The following NLRP1 variants were observed in gnomAD, a reference collection of about 807,000 sequenced individuals.
NLRP1 encodes the protein NACHT, LRR and PYD domains-containing protein 1.
In NLRP1, 94 loss-of-function variants were observed where a neutral mutation model predicts 136.7. That is an observed-to-expected ratio of 0.69 (90% CI 0.58 to 0.82). The LOEUF is 0.82. NLRP1 is among the 40% of genes least tolerant of loss of function. NLRP1 has a pLI of 0.00. For synonymous variants in NLRP1, 690 were observed against 725.1 expected (o/e 0.95, Z 0.78); for missense variants, 1,575 against 1,802.7 (o/e 0.87, Z 2.29).
Position 5,521,141 on chromosome 17 carries a change from C to A in NLRP1, c.3784-129G>T, listed in dbSNP as rs764463406. On this transcript the variant is annotated intron_variant, in intron 13 of 16. Transcript: ENST00000572272. Reference sequence around the variant, plus strand: ...GCTATATCACCCCTGCCTCCCTCCCCCCATGCACTGCTACAGAGACAGCCC... The same window carrying A: ...GCTATATCACCCCTGCCTCCCTCCCACCATGCACTGCTACAGAGACAGCCC... The A allele has an allele frequency of 3.2e-5, 28 of 880,614 alleles. No individual in the cohort carries two copies. The Admixed American group carries it at 4.2e-4, about 13-fold the overall frequency. 54.6% of individuals were successfully genotyped at this position (880,614 alleles called of 1,614,324 possible).
Position 5,581,883 on chromosome 17 carries a change from C to G in NLRP1, c.628G>C (p.Glu210Gln). The G allele has an allele frequency of 6.2e-7, 1 of 1,612,850 alleles. No individual in the cohort carries two copies. The highest frequency in any genetic ancestry group is 8.5e-7 in the Non-Finnish European group (1 of 1,179,928). The change falls in exon 3 of 17, where the codon GAA becomes CAA. Residue 210 changes from glutamate (E) to glutamine (Q), a missense_variant. Transcript: ENST00000572272. ...CCTGTGTAGTAAATTCCTGACGTTT[C>G]ATCCAGAGGCCATTGGGTCCCAGGA... ...EAPGTQWPLDETSGIYYTEIR... is the reference protein window; with the variant it reads ...EAPGTQWPLDQTSGIYYTEIR...
chr17:5,544,343 C>A (rs935947712), intron 5 of NLRP1, among the ~76,000 whole-genome samples: 10 of 152,162 alleles, frequency 6.6e-5, no homozygotes, highest in Admixed American at 2.0e-4. Context: ...GGCAAATCTC[C>A]CCCACCACTG....
At chr17:5,550,923 GTT>G (rs1318445854) in intron 5 of NLRP1, among the ~76,000 whole-genome samples, 2 of 152,070 alleles carry the variant, frequency 1.3e-5, no homozygotes, top group Non-Finnish European at 2.9e-5. Flanking sequence ...AGTACAGCGA[GTT>G]CCCATATACT....
intron 15 of NLRP1, chr17:5,503,540 A>G (rs1907189287): frequency 6.6e-6 from 1 of 152,202 alleles, no homozygotes; most frequent in South Asian, 2.1e-4. Context: ...GTCTACCTGT[A>G]CAGAAATGAA....
At chr17:5,573,198 AC>A (rs1904616482) in intron 3 of NLRP1, among the ~76,000 whole-genome samples, 1 of 152,196 alleles carries the variant, frequency 6.6e-6, no homozygotes, top group Non-Finnish European at 1.5e-5. Flanking sequence ...AGGGTCCTGT[AC>A]CCACGGAGCC....
At chr17:5,523,677 T>C (rs1909183753) in intron 12 of NLRP1, among the ~76,000 whole-genome samples, 1 of 152,110 alleles carries the variant, frequency 6.6e-6, no homozygotes, top group African/African-American at 2.4e-5. Flanking sequence ...GGATCAGAGG[T>C]CCCAGCTCCA....
chr17:5,542,284 T>C (rs1425668397), intron 5 of NLRP1, among the ~76,000 whole-genome samples: 1 of 152,032 alleles, frequency 6.6e-6, no homozygotes, highest in Non-Finnish European at 1.5e-5. Flanking sequence ...TCACGGTCCT[T>C]TTCCTGGTCT....
intron 3 of NLRP1, among the ~76,000 whole-genome samples, chr17:5,565,304 A>C (rs1915213619): frequency 1.3e-5 from 2 of 152,158 alleles, no homozygotes; most frequent in South Asian, 4.1e-4. Context: ...CGTCTATTCT[A>C]ATCTTTTAAC....
At chr17:5,521,468 AT>A in intron 13 of NLRP1, 55 bp downstream of exon 13, 1 of 1,572,238 alleles carries the variant, frequency 6.4e-7, no homozygotes, top group South Asian at 1.2e-5. Flanking sequence ...CTCTGGCTGC[AT>A]TTTGTGTTTA....
In NLRP1 at chr17:5,551,664, GT is replaced by G. The variant is rs374699214; in HGVS notation, c.2528+1721del. On this transcript the variant is annotated intron_variant, in intron 5 of 16. Coordinates refer to ENST00000572272, the MANE Select transcript of NLRP1 (RefSeq NM_033004.4). The stretch of plus-strand genomic sequence containing the variant: ...CCACCAACAATGAATGAGAGTTCCT[GT>G]TTTTCCACATCCTCGTCAGCATTTG... Among the ~76,000 whole-genome samples the G allele has an allele frequency of 3.0e-4, 45 of 152,306 alleles. No homozygotes were observed. In the East Asian group the frequency reaches 5.8e-3, roughly 20 times the overall value.
At chr17:5,534,092 T>C (rs1285831273) in intron 8 of NLRP1, 104 bp from the exon 9 acceptor site, 2 of 826,382 alleles carry the variant, frequency 2.4e-6, no homozygotes, top group South Asian at 2.7e-5. Context: ...TCGGGTGCAG[T>C]GGCTCATGTC....
intron 12 of NLRP1, among the ~76,000 whole-genome samples, chr17:5,524,713 A>G (rs1597401237): frequency 6.6e-6 from 1 of 152,184 alleles, no homozygotes; most frequent in African/African-American, 2.4e-5. Context: ...AGGCCACACA[A>G]CCAGCCATGG....
chr17:5,583,855 T>C lies in NLRP1; in HGVS notation c.103A>G (p.Arg35Gly), dbSNP rs201788309. ...QLLLANKAHS[R>G]SSSGETPAQP... The stretch of plus-strand genomic sequence containing the variant: ...GCGGGTGTCTCACCCGAAGAGCTCC[T>C]GGAGTGCGCTTTATTGGCGAGCAGA... The change falls in exon 1 of 17, where the codon AGG becomes GGG. Residue 35 changes from arginine to glycine, a missense_variant. By Grantham distance (125) the Arg-to-Gly change is moderately radical. Coordinates refer to ENST00000572272, the MANE Select transcript of NLRP1 (RefSeq NM_033004.4). The surrounding 1 kb of genome is among the most constrained non-coding windows in gnomAD (Gnocchi z 4.5). 2.0e-4 allele frequency: 310 copies of C among 1,577,088 alleles called. 3 individuals carry two copies. In the South Asian group the frequency reaches 3.4e-3, roughly 18 times the overall value.
chr17:5,560,093 T>A, intron 3 of NLRP1, 50 bp from the exon 4 acceptor site: 1 of 1,424,634 alleles, frequency 7.0e-7, no homozygotes, highest in Non-Finnish European at 9.3e-7. Context: ...ATAGAAGAAT[T>A]AATTAATTAA....
At chr17:5,520,679 A>T (rs60007552) in intron 14 of NLRP1, among the ~76,000 whole-genome samples, 2,381 of 152,264 alleles carry the variant, frequency 0.016, 61 homozygotes, top group African/African-American at 0.053. Flanking sequence ...ATCATCCTTC[A>T]CATCCTGCAT....
intron 3 of NLRP1, among the ~76,000 whole-genome samples, chr17:5,579,258 T>TA (rs35189601): frequency 9.0e-4 from 129 of 143,944 alleles, no homozygotes; most frequent in Middle Eastern, 3.5e-3. Context: ...CTTAAAGTAT[T>TA]AAAAAAAAAA....
chr17:5,530,017 A>G (rs1031221123), intron 12 of NLRP1: 9 of 456,752 alleles, frequency 2.0e-5, no homozygotes, highest in Non-Finnish European at 4.0e-5. Context: ...TCATGGCTCC[A>G]GCTCTCAGAT....
chr17:5,514,957 C>A lies in NLRP1; in HGVS notation c.4219G>T (p.Val1407Leu). 1 of 1,614,220 alleles carries A rather than the reference C, an allele frequency of 6.2e-7. No homozygotes were observed. The highest frequency in any genetic ancestry group is 1.1e-5 in the South Asian group (1 of 91,090). ...EVVLDKLHGQ[V>L]LSQEQYERVL... The stretch of plus-strand genomic sequence containing the variant: ...CTCTCGTACTGCTCCTGGCTCAGCA[C>A]CTGTCCATGCAGTTTGTCCAAGACA... Residue 1407 changes from valine to leucine, a missense_variant, in exon 17 of 17, where the codon GTG (valine) becomes TTG (leucine). Physicochemically the swap from Val to Leu is conservative, Grantham distance 32 (BLOSUM62 1). Coordinates refer to ENST00000572272, the MANE Select transcript of NLRP1 (RefSeq NM_033004.4).
chr17:5,546,031 A>G (rs1049212588), intron 5 of NLRP1, among the ~76,000 whole-genome samples: 2 of 152,170 alleles, frequency 1.3e-5, no homozygotes, highest in African/African-American at 4.8e-5. Context: ...GACACTTGGT[A>G]TTGGACCTCT....
Sources: gnomAD v4.1 joint callset for allele counts (sites outside exome capture counted in the v4.1 genomes callset) on GRCh38, gnomAD v4.1.1 for gene constraint, Gnocchi (gnomAD v3.1) non-coding constraint, MANE v1.5 for transcripts, NCBI Gene and HGNC (gene_info 2026-07-23, HGNC 2026-07-21) for gene names.